Variants in ADAMTS2 observed in about 807,000 individuals in gnomAD.
The protein encoded by ADAMTS2 is A disintegrin and metalloproteinase with thrombospondin motifs 2.
Under a neutral mutation model 123.0 loss-of-function variants are expected in ADAMTS2, and 50 were observed. The observed-to-expected ratio is 0.41, with a 90% CI of 0.32 to 0.51. The LOEUF is 0.51. Ranked by LOEUF, ADAMTS2 falls within the 20% of genes least tolerant of loss-of-function variation. The pLI is 0.35. For missense variants in ADAMTS2, 1,494 were observed against 1,705.2 expected (o/e 0.88, Z 2.18); for synonymous variants, 678 against 695.4 (o/e 0.98, Z 0.39).
At chr5:179,176,177 G>A (rs879100023) in intron 5 of ADAMTS2, among the ~76,000 whole-genome samples, 1 of 152,174 alleles carries the variant, frequency 6.6e-6, no homozygotes, top group Admixed American at 6.5e-5. Flanking sequence ...AATCTTGGTT[G>A]TCCTGTTGCC....
At chr5:179,166,217 C>T (rs1763691996) in intron 5 of ADAMTS2, among the ~76,000 whole-genome samples, 2 of 152,306 alleles carry the variant, frequency 1.3e-5, no homozygotes, top group Admixed American at 1.3e-4. Flanking sequence ...GACACTCGTC[C>T]AGGCCCCTGG....
chr5:179,273,114 G>A, intron 2 of ADAMTS2, 50 bp from the exon 3 acceptor site: 1 of 1,612,616 alleles, frequency 6.2e-7, no homozygotes, highest in South Asian at 1.1e-5. Flanking sequence ...AAAAGACCAA[G>A]GAAGGGGAAC....
intron 19 of ADAMTS2, among the ~76,000 whole-genome samples, 168 bp downstream of exon 19, chr5:179,124,805 G>A (rs1762822486): frequency 6.6e-6 from 1 of 151,912 alleles, no homozygotes; most frequent in Non-Finnish European, 1.5e-5. Context: ...GGCAGAGCTC[G>A]CTGCTGCAGG....
intron 2 of ADAMTS2, among the ~76,000 whole-genome samples, chr5:179,279,703 A>G (rs1323237542): frequency 6.6e-6 from 1 of 152,214 alleles, no homozygotes. Flanking sequence ...CAGGAGTGGG[A>G]AGTGTCATTG....
chr5:179,340,005 C>T (rs149620056), intron 2 of ADAMTS2, among the ~76,000 whole-genome samples: 16 of 152,350 alleles, frequency 1.1e-4, no homozygotes, highest in Non-Finnish European at 1.6e-4. Flanking sequence ...ACAGCAGCCC[C>T]GCAGGGGAGC....
At chr5:179,134,775 ATCCCCCAGCTCCCG>A (rs1763025193) in intron 13 of ADAMTS2, among the ~76,000 whole-genome samples, 2 of 33,968 alleles carry the variant, frequency 5.9e-5, no homozygotes, top group Non-Finnish European at 1.1e-4. Context: ...TCCCGGCTCC[ATCCCCCAGCTCCCG>A]GCTCCAGCCC....
chr5:179,301,139 C>T lies in ADAMTS2; in HGVS notation c.535-28075G>A, dbSNP rs559963712. Among the ~76,000 whole-genome samples, 4 of 150,178 alleles carry T rather than the reference C, an allele frequency of 2.7e-5. No individual in the cohort carries two copies. In the East Asian group the frequency reaches 7.8e-4, roughly 29 times the overall value. ...GCAAAGGTTCTGGAGGCTCTGCTCG[C>T]TCCTGTCCCCCAGGAAAAAAAAAAA... On this transcript the variant is annotated intron_variant, in intron 2 of 21. Transcript: ENST00000251582.
rs879277637 is a variant in ADAMTS2 at position 179,181,434 on chromosome 5, G to A, written c.892-279C>T. ...CACCTGGGGCCTGAACATGGAACGT[G>A]GGCAGGGAAAGCAGCCCTACGCTTG... On this transcript the variant is annotated intron_variant, in intron 4 of 21. Coordinates refer to ENST00000251582, the MANE Select transcript of ADAMTS2 (RefSeq NM_014244.5). The surrounding 1 kb of genome is among the most constrained non-coding windows in gnomAD (Gnocchi z 4.1). Among the ~76,000 whole-genome samples the A allele has an allele frequency of 2.0e-5, 3 of 152,140 alleles. No individual in the cohort carries two copies. Among genetic ancestry groups the A allele is most frequent in the Non-Finnish European group, 4.4e-5 (3 of 68,032 alleles).
chr5:179,235,966 G>A (rs914096019), intron 3 of ADAMTS2, among the ~76,000 whole-genome samples: 1 of 152,184 alleles, frequency 6.6e-6, no homozygotes, highest in African/African-American at 2.4e-5. Context: ...CTGGTCCCAG[G>A]TGCCCTCCTG....
At chr5:179,290,868 T>G (rs1360396094) in intron 2 of ADAMTS2, among the ~76,000 whole-genome samples, 1 of 152,124 alleles carries the variant, frequency 6.6e-6, no homozygotes, top group Admixed American at 6.5e-5. Context: ...CCTGGCGTGT[T>G]CCAGGAACAC....
rs532339457 is a variant in ADAMTS2 at position 179,181,741 on chromosome 5, G to A, written c.892-586C>T. 5.3e-5 allele frequency among the ~76,000 whole-genome samples: 8 copies of A among 152,266 alleles called. No individual in the cohort carries two copies. The highest frequency in any genetic ancestry group is 1.3e-4 in the Admixed American group (2 of 15,296). On this transcript the variant is annotated intron_variant, in intron 4 of 21. Coordinates refer to ENST00000251582, the MANE Select transcript of ADAMTS2 (RefSeq NM_014244.5). The surrounding 1 kb of genome is among the most constrained non-coding windows in gnomAD (Gnocchi z 4.1). Reference sequence around the variant, plus strand: ...GATGGCTGGAGCTCCTGCAGTCGCCGTCTCTGTATTTATCACAATCATATT... The same window carrying A: ...GATGGCTGGAGCTCCTGCAGTCGCCATCTCTGTATTTATCACAATCATATT...
At chr5:179,275,783 G>A (rs547236700) in intron 2 of ADAMTS2, among the ~76,000 whole-genome samples, 4 of 152,340 alleles carry the variant, frequency 2.6e-5, no homozygotes, top group Non-Finnish European at 5.9e-5. Flanking sequence ...TCGGACGTCC[G>A]GCCTCAGAAC....
rs1022198391 is a variant in ADAMTS2, at chr5:179,308,513, A to G, written c.534+35254T>C. Among the ~76,000 whole-genome samples, 1 of 152,198 alleles carries G rather than the reference A, an allele frequency of 6.6e-6. No individual in the cohort carries two copies. Among genetic ancestry groups the G allele is most frequent in the African/African-American group, 2.4e-5 (1 of 41,448 alleles). ...ACCAGAGCCCACAGGAGCTCCTGCA[A>G]TGCGATGACCATGCCTGCAGGCCCC... On this transcript the variant is annotated intron_variant, in intron 2 of 21. Coordinates refer to ENST00000251582, the MANE Select transcript of ADAMTS2 (RefSeq NM_014244.5). The surrounding 1 kb of genome is among the most constrained non-coding windows in gnomAD (Gnocchi z 6.6).
rs1375623230 is a variant in ADAMTS2 at position 179,168,923 on chromosome 5, T to C, written c.976-10044A>G. Among the ~76,000 whole-genome samples the C allele has an allele frequency of 2.6e-5, 4 of 152,184 alleles. No homozygotes were observed. In the East Asian group the frequency reaches 7.7e-4, roughly 29 times the overall value. ...TTTCTCTGCCAGAACTCCCATATCG[T>C]TCCAGCATTTTGTTTCCAGCCATCT... On this transcript the variant is annotated intron_variant, in intron 5 of 21. Coordinates refer to ENST00000251582, the MANE Select transcript of ADAMTS2 (RefSeq NM_014244.5).
At chr5:179,287,815 G>A (rs945728272) in intron 2 of ADAMTS2, among the ~76,000 whole-genome samples, 7 of 152,224 alleles carry the variant, frequency 4.6e-5, no homozygotes, top group African/African-American at 1.7e-4. Flanking sequence ...GCTCCCAGCA[G>A]TGTGGGGAAG....
rs764592978 is a variant in ADAMTS2, at chr5:179,260,401, T to TA, written c.688+12509dup. ...AAGATTCTCCCCGAAGCTAACGTGC[T>TA]AAGTGACCTGGAGACACATCCTCAC... is the stretch of plus-strand genomic sequence containing the variant. On this transcript the variant is annotated intron_variant, in intron 3 of 21. Transcript: ENST00000251582. This position sits in a 1 kb window ranked among gnomAD's most constrained non-coding sequence, Gnocchi z 4.2. Among the ~76,000 whole-genome samples, 5 of 152,246 alleles carry TA rather than the reference T, an allele frequency of 3.3e-5. No individual in the cohort carries two copies. The highest frequency in any genetic ancestry group is 6.5e-5 in the Admixed American group (1 of 15,288).
rs1000717021 is a variant in ADAMTS2 at position 179,234,786 on chromosome 5, C to T, written c.689-27071G>A. The stretch of plus-strand genomic sequence containing the variant: ...TGGATGCAGCAGCCTCCTCCCAGAC[C>T]TGGCCCCATCCGCTGCTGCTCCCTG... On this transcript the variant is annotated intron_variant, in intron 3 of 21. Transcript: ENST00000251582. This position sits in a 1 kb window ranked among gnomAD's most constrained non-coding sequence, Gnocchi z 4.7. Among the ~76,000 whole-genome samples, 6 of 152,180 alleles carry T rather than the reference C, an allele frequency of 3.9e-5. No homozygotes were observed. Among genetic ancestry groups the T allele is most frequent in the Non-Finnish European group, 7.3e-5 (5 of 68,032 alleles).
At chr5:179,200,586 G>A (rs1221535965) in intron 4 of ADAMTS2, among the ~76,000 whole-genome samples, 1 of 152,036 alleles carries the variant, frequency 6.6e-6, no homozygotes, top group East Asian at 1.9e-4. Flanking sequence ...TCAGGTGGAG[G>A]GCTGCTATGG....
In ADAMTS2 at chr5:179,262,115, G is replaced by A. The variant is rs911229260; in HGVS notation, c.688+10796C>T. ...CAGGGCAGTGCAGAGCAGTGGAAGC[G>A]GGCAGCTGTGGAGTCAGAGTGATGG... On this transcript the variant is annotated intron_variant, in intron 3 of 21. Transcript: ENST00000251582. This position sits in a 1 kb window ranked among gnomAD's most constrained non-coding sequence, Gnocchi z 5.9. Among the ~76,000 whole-genome samples the A allele has an allele frequency of 1.9e-4, 29 of 152,094 alleles. No individual in the cohort carries two copies. The highest frequency in any genetic ancestry group is 5.8e-4 in the East Asian group (3 of 5,192).
Sources: gnomAD v4.1 joint callset for allele counts (sites outside exome capture counted in the v4.1 genomes callset) on GRCh38, gnomAD v4.1.1 for gene constraint, Gnocchi (gnomAD v3.1) non-coding constraint, MANE v1.5 for transcripts, NCBI Gene and HGNC (gene_info 2026-07-23, HGNC 2026-07-21) for gene names.